The following KAZN variants were observed in gnomAD, a reference collection of about 807,000 sequenced individuals.
KAZN encodes kazrin, periplakin interacting protein.
KAZN carries 40 observed loss-of-function variants against 87.4 expected under a neutral mutation model. That is an observed-to-expected ratio of 0.46 (90% CI 0.36 to 0.60). The LOEUF (loss-of-function observed/expected upper bound fraction) is 0.60. KAZN is among the 20% of genes least tolerant of loss of function. The pLI is 0.00. For missense variants in KAZN, 898 were observed against 1,073.9 expected (o/e 0.84, Z 2.29); for synonymous variants, 466 against 458.3 (o/e 1.02, Z -0.22).
At chr1:15,058,315 A>G (rs1327774128) in intron 5 of KAZN, among the ~76,000 whole-genome samples, 2 of 152,236 alleles carry the variant, frequency 1.3e-5, no homozygotes, top group Non-Finnish European at 1.5e-5. Flanking sequence ...CCTGTAGGGT[A>G]AACTCACCCA....
chr1:14,975,916 C>T (rs1213942915), intron 2 of KAZN, among the ~76,000 whole-genome samples: 1 of 151,738 alleles, frequency 6.6e-6, no homozygotes, highest in Non-Finnish European at 1.5e-5. Context: ...CCTGTAGTCC[C>T]AGCTACTTGG....
intron 2 of KAZN, among the ~76,000 whole-genome samples, chr1:14,206,699 TTTC>T (rs1225667067): frequency 4.0e-3 from 176 of 43,702 alleles, no homozygotes; most frequent in African/African-American, 0.012. Context: ...TCATGAGCAT[TTTC>T]TTTTTTTTTT....
intron 1 of KAZN, among the ~76,000 whole-genome samples, chr1:14,905,097 C>G (rs956490615): frequency 6.6e-6 from 1 of 152,154 alleles, no homozygotes; most frequent in Non-Finnish European, 1.5e-5. Context: ...CTCGCTCCTT[C>G]GCCCAGGCTG....
intron 1 of KAZN, among the ~76,000 whole-genome samples, chr1:13,967,830 T>C (rs911319789): frequency 1.3e-5 from 2 of 152,174 alleles, no homozygotes; most frequent in African/African-American, 4.8e-5. Flanking sequence ...TGCTCTCAGC[T>C]GTCAAGAACA....
chr1:14,180,585 A>T, exon 2 of KAZN: 1 of 1,548,978 alleles, frequency 6.5e-7, no homozygotes, highest in Non-Finnish European at 8.7e-7. Flanking sequence ...CTCTTAATGG[A>T]TGCTCAGGTA....
At chr1:14,318,426 A>G (rs373895766) in intron 2 of KAZN, among the ~76,000 whole-genome samples, 3 of 151,796 alleles carry the variant, frequency 2.0e-5, no homozygotes, top group East Asian at 3.9e-4. Context: ...TGTCATTTTT[A>G]TCTTTGTTCC....
At chr1:14,957,487 G>C (rs189876062) in intron 1 of KAZN, among the ~76,000 whole-genome samples, 1 of 152,364 alleles carries the variant, frequency 6.6e-6, no homozygotes, top group Admixed American at 6.5e-5. Flanking sequence ...CAGGATATGC[G>C]ATTGGGCCCC....
chr1:14,429,379 T>TCTTTTGAG (rs1434614324), intron 2 of KAZN, among the ~76,000 whole-genome samples: 1 of 152,166 alleles, frequency 6.6e-6, no homozygotes, highest in African/African-American at 2.4e-5. Flanking sequence ...AAATGGTCAG[T>TCTTTTGAG]CTTTTGAGTC....
intron 2 of KAZN, among the ~76,000 whole-genome samples, chr1:14,190,875 A>G (rs1646407828): frequency 6.6e-6 from 1 of 152,216 alleles, no homozygotes; most frequent in Non-Finnish European, 1.5e-5. Context: ...AAGAAATAAT[A>G]AAGTTCCAAG....
At chr1:14,591,675 G>C (rs1227127748) in intron 2 of KAZN, among the ~76,000 whole-genome samples, 1 of 152,148 alleles carries the variant, frequency 6.6e-6, no homozygotes, top group Non-Finnish European at 1.5e-5. Context: ...ACACAGAAGG[G>C]ATGCGCCTGA....
chr1:14,624,770 A>C (rs1678989768), intron 1 of KAZN, among the ~76,000 whole-genome samples: 1 of 152,202 alleles, frequency 6.6e-6, no homozygotes, highest in Admixed American at 6.5e-5. Flanking sequence ...CAAAGAGTTT[A>C]TACTCAAATG....
intron 2 of KAZN, among the ~76,000 whole-genome samples, chr1:14,221,012 G>A (rs558248701): frequency 6.6e-6 from 1 of 152,212 alleles, no homozygotes; most frequent in Admixed American, 6.5e-5. Flanking sequence ...ACTTTGATGC[G>A]GGATGCTGGC....
chr1:15,086,425 A>G (rs10927672), intron 8 of KAZN, among the ~76,000 whole-genome samples: 50,605 of 152,136 alleles, frequency 0.33, 10,526 homozygotes, highest in East Asian at 0.91. Flanking sequence ...TGTTCCCAGC[A>G]AAACCCTTTG....
At chr1:15,079,764 A>C (rs1407506546) in intron 8 of KAZN, among the ~76,000 whole-genome samples, 2 of 152,188 alleles carry the variant, frequency 1.3e-5, no homozygotes, top group Non-Finnish European at 2.9e-5. Flanking sequence ...GGACTTGCCC[A>C]AGGAGGCCAG....
At chr1:14,156,842 A>G (rs981148022) in intron 1 of KAZN, among the ~76,000 whole-genome samples, 5 of 148,584 alleles carry the variant, frequency 3.4e-5, no homozygotes, top group Admixed American at 2.7e-4. Flanking sequence ...ATTCCATGCT[A>G]TTATTGACAA....
intron 1 of KAZN, among the ~76,000 whole-genome samples, chr1:14,938,038 C>A (rs1660647499): frequency 2.0e-5 from 3 of 152,312 alleles, no homozygotes; most frequent in African/African-American, 7.2e-5. Context: ...AGGACAGGTA[C>A]ACAGACACAG....
At chr1:14,364,961 T>A (rs1489446056) in intron 2 of KAZN, among the ~76,000 whole-genome samples, 2 of 152,164 alleles carry the variant, frequency 1.3e-5, no homozygotes, top group South Asian at 2.1e-4. Flanking sequence ...CAGGATGGTC[T>A]TGAACTCCTG....
chr1:14,519,580 C>G (rs1287637700), intron 2 of KAZN, among the ~76,000 whole-genome samples: 3 of 152,046 alleles, frequency 2.0e-5, no homozygotes, highest in Non-Finnish European at 4.4e-5. Context: ...GAAAGAAAGT[C>G]CACTTTTGAG....
At chr1:14,743,387 G>T (rs1362189830) in intron 1 of KAZN, among the ~76,000 whole-genome samples, 1 of 150,550 alleles carries the variant, frequency 6.6e-6, no homozygotes, top group Non-Finnish European at 1.5e-5. Flanking sequence ...CTGAGATCGC[G>T]CCACTGCACT....
Sources: allele counts gnomAD v4.1 joint callset (sites outside exome capture counted in the v4.1 genomes callset), GRCh38; gene constraint gnomAD v4.1.1; transcripts MANE v1.5; gene names NCBI Gene and HGNC (gene_info 2026-07-23, HGNC 2026-07-21).